Variants in JMJD1C observed in about 807,000 individuals in gnomAD.
The protein encoded by JMJD1C is jumonji domain containing 1C.
A neutral mutation model predicts 245.3 loss-of-function variants in JMJD1C; 31 were observed. That is an observed-to-expected ratio of 0.13 (90% CI 0.09 to 0.17). JMJD1C has a LOEUF of 0.17. Ranked by LOEUF, JMJD1C falls within the 10% of genes least tolerant of loss-of-function variation. The pLI is 1.00. For synonymous variants in JMJD1C, 1,057 were observed against 1,017.4 expected (o/e 1.04, Z -0.74); for missense variants, 2,691 against 3,000.2 (o/e 0.90, Z 2.41).
intron 1 of JMJD1C, among the ~76,000 whole-genome samples, chr10:63,425,424 C>G (rs1252616696): frequency 1.3e-5 from 2 of 151,998 alleles, no homozygotes; most frequent in Non-Finnish European, 2.9e-5. Context: ...AGTGATGAAA[C>G]TGCTCCTGTG....
At position 63,239,432 on chromosome 10, in the gene JMJD1C, A is replaced by G. The variant is rs930115123; in HGVS notation, c.448-19449T>C. The stretch of plus-strand genomic sequence containing the variant: ...ATATGTAAGGGCAAGAGAGAGACCT[A>G]AAACATTCCTACATGTTGATTTTTT... On this transcript the variant is annotated intron_variant, in intron 3 of 25. Coordinates refer to ENST00000399262, the MANE Select transcript of JMJD1C (RefSeq NM_032776.3). Among the ~76,000 whole-genome samples the G allele has an allele frequency of 5.3e-5, 8 of 152,146 alleles. No homozygotes were observed. The East Asian group carries it at 1.5e-3, about 29-fold the overall frequency.
chr10:63,333,163 C>T (rs2134176543), intron 2 of JMJD1C, among the ~76,000 whole-genome samples: 1 of 152,182 alleles, frequency 6.6e-6, no homozygotes, highest in South Asian at 2.1e-4. Context: ...AAATGAAAAA[C>T]TGTTGACCTT....
intron 1 of JMJD1C, among the ~76,000 whole-genome samples, chr10:63,460,532 T>C (rs1952717946): frequency 2.0e-5 from 3 of 151,942 alleles, no homozygotes; most frequent in South Asian, 2.1e-4. Flanking sequence ...AAAGAGTAAA[T>C]AGTAATAGAA....
chr10:63,222,866 A>G (rs1239989325), intron 3 of JMJD1C: 17 of 1,457,966 alleles, frequency 1.2e-5, no homozygotes, highest in African/African-American at 2.8e-5. Context: ...ATCAAAATAT[A>G]TAAAAACTGC....
At chr10:63,399,567 T>C (rs1024616151) in intron 1 of JMJD1C, among the ~76,000 whole-genome samples, 9 of 152,300 alleles carry the variant, frequency 5.9e-5, no homozygotes, top group Admixed American at 4.6e-4. Flanking sequence ...CATAAACTCA[T>C]TTACTTTGTC....
chr10:63,229,358 T>C (rs1849690711), intron 3 of JMJD1C, among the ~76,000 whole-genome samples: 1 of 152,102 alleles, frequency 6.6e-6, no homozygotes, highest in African/African-American at 2.4e-5. Flanking sequence ...AAGATTCGGA[T>C]GGGGCTACTC....
intron 3 of JMJD1C, among the ~76,000 whole-genome samples, chr10:63,247,213 G>A (rs1207726370): frequency 6.6e-6 from 1 of 151,358 alleles, no homozygotes; most frequent in African/African-American, 2.4e-5. Context: ...TAGCTAGACT[G>A]AGGAAAAAAA....
At chr10:63,289,261 T>C (rs1160025705) in intron 2 of JMJD1C, among the ~76,000 whole-genome samples, 1 of 152,176 alleles carries the variant, frequency 6.6e-6, no homozygotes, top group Non-Finnish European at 1.5e-5. Context: ...ATTCTTTTCA[T>C]AGTCATGTAA....
chr10:63,255,343 A>G (rs1424235343), intron 3 of JMJD1C, among the ~76,000 whole-genome samples: 2 of 152,182 alleles, frequency 1.3e-5, no homozygotes, highest in African/African-American at 4.8e-5. Context: ...ATTAGATTTA[A>G]AAGGTCTTGT....
At chr10:63,308,609 G>GA (rs58302652) in intron 2 of JMJD1C, among the ~76,000 whole-genome samples, 17,871 of 129,618 alleles carry the variant, frequency 0.14, 1,432 homozygotes, top group Non-Finnish European at 0.2. Flanking sequence ...GCTGCTATAG[G>GA]AAAAAAAAAA....
At chr10:63,267,369 T>C (rs1433011989) in intron 2 of JMJD1C, among the ~76,000 whole-genome samples, 4 of 152,136 alleles carry the variant, frequency 2.6e-5, no homozygotes, top group African/African-American at 9.7e-5. Context: ...TGTATTAGTC[T>C]AGTACATTTC....
In JMJD1C at chr10:63,213,466, A is replaced by G; in HGVS notation, c.2694+7T>C. On this transcript the variant is annotated splice_region_variant and intron_variant, in intron 8 of 25. Coordinates refer to ENST00000399262, the MANE Select transcript of JMJD1C (RefSeq NM_032776.3). ...ACTGCTATGTGGCAAACTACAGTGT[A>G]ACTTACCCTCCTTAATGAAGCTTCA... 1 of 1,543,128 alleles carries G rather than the reference A, an allele frequency of 6.5e-7. No individual in the cohort carries two copies. Among genetic ancestry groups the G allele is most frequent in the African/African-American group, 1.4e-5 (1 of 73,706 alleles).
chr10:63,218,067 T>A (rs544274369), intron 4 of JMJD1C, among the ~76,000 whole-genome samples: 1 of 152,188 alleles, frequency 6.6e-6, no homozygotes, highest in South Asian at 2.1e-4. Context: ...TCAAATACTT[T>A]AACAAAGAAC....
At chr10:63,314,956 G>GT (rs71025156) in intron 2 of JMJD1C, among the ~76,000 whole-genome samples, 69,774 of 133,132 alleles carry the variant, frequency 0.52, 19,169 homozygotes, top group African/African-American at 0.63. Flanking sequence ...AGCCTTTTTT[G>GT]TTTTTTTTTT....
chr10:63,408,365 T>C (rs1044293888), intron 1 of JMJD1C, among the ~76,000 whole-genome samples: 7 of 151,612 alleles, frequency 4.6e-5, no homozygotes, highest in African/African-American at 1.7e-4. Flanking sequence ...ATCGCGCCAT[T>C]GCACTCCAGC....
At chr10:63,362,816 G>A (rs1267698136) in intron 2 of JMJD1C, among the ~76,000 whole-genome samples, 1 of 152,026 alleles carries the variant, frequency 6.6e-6, no homozygotes, top group African/African-American at 2.4e-5. Flanking sequence ...CCTAAAATAT[G>A]ATCAGTGCTT....
Position 63,341,051 on chromosome 10 carries a change from T to C in JMJD1C, c.333+39267A>G, listed in dbSNP as rs141330935. 6.7e-3 allele frequency among the ~76,000 whole-genome samples: 1,013 copies of C among 152,300 alleles called. 7 individuals carry two copies. The highest frequency in any genetic ancestry group is 9.0e-3 in the Non-Finnish European group (611 of 68,032). ...AAGCTAAAAATGAAGATTTCAACTG[T>C]GTATTAAAAGAATGAATCCAACAGT... On this transcript the variant is annotated intron_variant, in intron 2 of 25. Coordinates refer to ENST00000399262, the MANE Select transcript of JMJD1C (RefSeq NM_032776.3).
At chr10:63,345,076 T>C (rs1254711898) in intron 2 of JMJD1C, among the ~76,000 whole-genome samples, 2 of 152,220 alleles carry the variant, frequency 1.3e-5, no homozygotes, top group African/African-American at 2.4e-5. Context: ...AAAATCTGTA[T>C]ATGTATGTTT....
At chr10:63,362,897 T>G (rs1257605012) in intron 2 of JMJD1C, among the ~76,000 whole-genome samples, 4 of 152,084 alleles carry the variant, frequency 2.6e-5, no homozygotes, top group Non-Finnish European at 5.9e-5. Context: ...TGAAAAACAC[T>G]TTGTGAGTGA....
Sources: allele counts gnomAD v4.1 joint callset (sites outside exome capture counted in the v4.1 genomes callset), GRCh38; gene constraint gnomAD v4.1.1; transcripts MANE v1.5; gene names NCBI Gene and HGNC (gene_info 2026-07-23, HGNC 2026-07-21).